The following PSKH1 variants were observed in gnomAD, a reference collection of about 807,000 sequenced individuals.
PSKH1 encodes serine/threonine-protein kinase H1.
In PSKH1, 12 loss-of-function variants were observed where a neutral mutation model predicts 26.7. The ratio of observed to expected loss-of-function variants is 0.45; its 90% CI spans 0.29 to 0.73. PSKH1 has a LOEUF of 0.73. Ranked by LOEUF, PSKH1 falls within the 30% of genes least tolerant of loss-of-function variation. The pLI, the probability that PSKH1 is intolerant of heterozygous loss-of-function variation, is 0.11. For missense variants in PSKH1, 431 were observed against 595.2 expected, an observed-to-expected ratio of 0.72 and a Z score of 2.87; for synonymous variants, 213 against 234.3, an observed-to-expected ratio of 0.91 and a Z score of 0.83.
chr16:67,908,606 G>T, intron 1 of PSKH1, 74 bp from the exon 2 acceptor site: 1 of 665,268 alleles, frequency 1.5e-6, no homozygotes, highest in Non-Finnish European at 2.5e-6. Flanking sequence ...TTCTGGAGAG[G>T]GAGGGCTGAG....
In PSKH1 at chr16:67,927,670, C is replaced by T. The variant is rs377303141; in HGVS notation, c.*28C>T. ...CGCCTGGCTGTGCACACATGCAGCACGACCCAGCCTGGCCACACACTGTGG... is the reference window on the plus strand; with the variant it reads ...CGCCTGGCTGTGCACACATGCAGCATGACCCAGCCTGGCCACACACTGTGG... On this transcript the variant is annotated 3_prime_UTR_variant, in exon 3 of 3. Transcript: ENST00000291041. This position sits in a 1 kb window ranked among gnomAD's most constrained non-coding sequence, Gnocchi z 5.5. 2,851 of 1,573,610 alleles carry T rather than the reference C, an allele frequency of 1.8e-3. 60 individuals are homozygous for T. In the South Asian group the frequency reaches 0.03, roughly 16 times the overall value.
At chr16:67,921,672 A>G (rs1452087444) in intron 2 of PSKH1, among the ~76,000 whole-genome samples, 1 of 151,992 alleles carries the variant, frequency 6.6e-6, no homozygotes, top group Non-Finnish European at 1.5e-5. Context: ...GAGTGTAGAT[A>G]AAAGAGATCA....
intron 2 of PSKH1, among the ~76,000 whole-genome samples, chr16:67,922,503 G>T (rs2058205360): frequency 6.6e-6 from 1 of 152,142 alleles, no homozygotes; most frequent in African/African-American, 2.4e-5. Context: ...TCCTCTGTCA[G>T]CCAGCCTGCC....
chr16:67,902,669 A>T (rs1466689879), intron 1 of PSKH1, among the ~76,000 whole-genome samples: 2 of 152,164 alleles, frequency 1.3e-5, no homozygotes, highest in Non-Finnish European at 2.9e-5. Flanking sequence ...AAAAATTTAA[A>T]CAAAAATACC....
chr16:67,921,213 G>A (rs1407933795), intron 2 of PSKH1, among the ~76,000 whole-genome samples: 1 of 152,060 alleles, frequency 6.6e-6, no homozygotes, highest in African/African-American at 2.4e-5. Context: ...AGGAGGTAGA[G>A]TTTGCAGTGA....
chr16:67,911,684 C>G (rs139818481), intron 2 of PSKH1, among the ~76,000 whole-genome samples: 13 of 152,202 alleles, frequency 8.5e-5, no homozygotes, highest in Non-Finnish European at 1.8e-4. Context: ...CTCTGTCCCC[C>G]CCAAAAAAAA....
rs544460156 is a variant in PSKH1 at position 67,907,322 on chromosome 16, G to A, written c.-70-1358G>A. On this transcript the variant is annotated intron_variant, in intron 1 of 2. Coordinates refer to ENST00000291041, the MANE Select transcript of PSKH1 (RefSeq NM_006742.3). ...TTTGTCCAGGCTGGAGTGGGGTGGC[G>A]CAGTGTCAGCTCACAGCAACCTCTG... Among the ~76,000 whole-genome samples, 15 of 145,514 alleles carry A rather than the reference G, an allele frequency of 1.0e-4. No homozygotes were observed. In the East Asian group the frequency reaches 1.5e-3, roughly 14 times the overall value.
intron 2 of PSKH1, among the ~76,000 whole-genome samples, chr16:67,916,200 G>T (rs1229171047): frequency 6.6e-6 from 1 of 152,226 alleles, no homozygotes; most frequent in African/African-American, 2.4e-5. Context: ...TGATGAGGGG[G>T]TTGTTGCTGT....
chr16:67,921,803 G>C (rs1245810325), intron 2 of PSKH1, among the ~76,000 whole-genome samples: 3 of 152,118 alleles, frequency 2.0e-5, no homozygotes, highest in Admixed American at 1.3e-4. Context: ...CATCCTTCTC[G>C]ATCTTGAGTT....
intron 1 of PSKH1, among the ~76,000 whole-genome samples, chr16:67,904,620 G>T (rs545838710): frequency 6.6e-6 from 1 of 151,838 alleles, no homozygotes; most frequent in Non-Finnish European, 1.5e-5. Flanking sequence ...GATTACAGGC[G>T]TGAGCTGCCG....
chr16:67,913,391 G>C (rs1334963426), intron 2 of PSKH1, among the ~76,000 whole-genome samples: 2 of 152,088 alleles, frequency 1.3e-5, no homozygotes, highest in African/African-American at 4.8e-5. Context: ...CAGGTGATCT[G>C]CCTGCCTTGG....
At chr16:67,894,271 A>G (rs1057187454) in intron 1 of PSKH1, among the ~76,000 whole-genome samples, 1 of 151,722 alleles carries the variant, frequency 6.6e-6, no homozygotes. Flanking sequence ...TCCCGCCTCA[A>G]CCTCCCGAGT....
intron 2 of PSKH1, among the ~76,000 whole-genome samples, chr16:67,913,904 G>C (rs2058179876): frequency 6.6e-6 from 1 of 152,258 alleles, no homozygotes; most frequent in East Asian, 1.9e-4. Flanking sequence ...GGGGTGGTGA[G>C]GGACAGTCTT....
At position 67,927,226 on chromosome 16, in the gene PSKH1, C is replaced by T; in HGVS notation, c.958-99C>T. 3 of 1,262,652 alleles carry T rather than the reference C, an allele frequency of 2.4e-6. No individual in the cohort carries two copies. Among genetic ancestry groups the T allele is most frequent in the Non-Finnish European group, 3.3e-6 (3 of 907,988 alleles). The allele number at this position is 1,262,652 out of a possible 1,614,324, so 78.2% of individuals were successfully genotyped here. On this transcript the variant is annotated intron_variant, in intron 2 of 2. Coordinates refer to ENST00000291041, the MANE Select transcript of PSKH1 (RefSeq NM_006742.3). The surrounding 1 kb of genome is among the most constrained non-coding windows in gnomAD (Gnocchi z 5.5). ...TGCTACATGAGAGGAGGGGCAGCAC[C>T]TCTCTCTGGAAAGGGGAGGGTTGCT...
chr16:67,913,437 C>G (rs1002772846), intron 2 of PSKH1, among the ~76,000 whole-genome samples: 1 of 152,048 alleles, frequency 6.6e-6, no homozygotes, highest in African/African-American at 2.4e-5. Flanking sequence ...TGTGAGCCAC[C>G]ACACCTGGCC....
intron 2 of PSKH1, among the ~76,000 whole-genome samples, chr16:67,922,047 C>T (rs1042129948): frequency 1.3e-5 from 2 of 151,790 alleles, no homozygotes; most frequent in Non-Finnish European, 2.9e-5. Context: ...CAGGCTCTCT[C>T]CCCCCACACC....
intron 2 of PSKH1, among the ~76,000 whole-genome samples, chr16:67,924,800 AC>A (rs1367126817): frequency 6.6e-6 from 1 of 151,782 alleles, no homozygotes; most frequent in Non-Finnish European, 1.5e-5. Context: ...GTGTCCCCTG[AC>A]CCACTCTGTT....
intron 2 of PSKH1, among the ~76,000 whole-genome samples, chr16:67,918,024 G>A (rs1598192260): frequency 1.3e-5 from 2 of 152,202 alleles, no homozygotes; most frequent in East Asian, 1.9e-4. Flanking sequence ...CTTGAGAGGC[G>A]GCTTCCTATC....
chr16:67,920,876 C>T (rs2058200545), intron 2 of PSKH1, among the ~76,000 whole-genome samples: 1 of 152,160 alleles, frequency 6.6e-6, no homozygotes, highest in South Asian at 2.1e-4. Context: ...TATTGACCTA[C>T]CACTGGCCCT....
Sources: gnomAD v4.1 joint callset for allele counts (sites outside exome capture counted in the v4.1 genomes callset) on GRCh38, gnomAD v4.1.1 for gene constraint, Gnocchi (gnomAD v3.1) non-coding constraint, MANE v1.5 for transcripts, NCBI Gene and HGNC (gene_info 2026-07-23, HGNC 2026-07-21) for gene names.